Variants in GABRA2 observed in about 807,000 individuals in gnomAD.
The protein encoded by GABRA2 is gamma-aminobutyric acid receptor subunit alpha-2.
A neutral mutation model predicts 48.7 loss-of-function variants in GABRA2; 16 were observed. The ratio of observed to expected loss-of-function variants is 0.33; its 90% CI spans 0.22 to 0.50. GABRA2 has a LOEUF of 0.50. Among genes scored for constraint, GABRA2 ranks in the 20% least tolerant of loss-of-function variants. The pLI, the probability that GABRA2 is intolerant of heterozygous loss-of-function variation, is 0.98. For missense variants in GABRA2, 275 were observed against 535.6 expected, an observed-to-expected ratio of 0.51 and a Z score of 4.80; for synonymous variants, 185 against 184.5, an observed-to-expected ratio of 1.00 and a Z score of -0.02.
intron 3 of GABRA2, among the ~76,000 whole-genome samples, chr4:46,375,276 G>T (rs778321646): frequency 2.0e-5 from 3 of 152,026 alleles, no homozygotes; most frequent in Non-Finnish European, 4.4e-5. Flanking sequence ...ATTTGTAAAT[G>T]ATAAGATCTG....
intron 4 of GABRA2, among the ~76,000 whole-genome samples, chr4:46,327,217 C>A (rs1730542021): frequency 6.6e-6 from 1 of 151,842 alleles, no homozygotes; most frequent in Non-Finnish European, 1.5e-5. Flanking sequence ...AAGTCAAATA[C>A]CTTATCATGT....
At chr4:46,305,821 T>C (rs1030099456) in intron 6 of GABRA2, 110 bp from the exon 7 acceptor site, 7 of 735,532 alleles carry the variant, frequency 9.5e-6, no homozygotes, top group African/African-American at 9.0e-5. Flanking sequence ...TCAATATTAA[T>C]AGTTAAACAT....
chr4:46,332,536 C>T (rs1731541350), intron 4 of GABRA2, 79 bp downstream of exon 4: 7 of 817,158 alleles, frequency 8.6e-6, no homozygotes, highest in Non-Finnish European at 1.3e-5. Flanking sequence ...TTCTATAACA[C>T]TAAAAATGCT....
At chr4:46,270,487 A>C (rs946616319) in intron 8 of GABRA2, among the ~76,000 whole-genome samples, 10 of 151,908 alleles carry the variant, frequency 6.6e-5, no homozygotes, top group African/African-American at 2.4e-4. Context: ...GTACTCTCTA[A>C]ATGTTTCCTT....
rs185953321 is a variant in GABRA2, at chr4:46,305,502, C to T, written c.703+66G>A. 2.8e-6 allele frequency: 4 copies of T among 1,450,024 alleles called. No homozygotes were observed. In the South Asian group the frequency reaches 5.0e-5, roughly 18 times the overall value. The allele number at this position is 1,450,024 out of a possible 1,614,324, so 89.8% of individuals were successfully genotyped here. On this transcript the variant is annotated intron_variant, in intron 7 of 9. Coordinates refer to ENST00000381620, the MANE Select transcript of GABRA2 (RefSeq NM_000807.4). ...AAAAGATTTTAAGCAATCTGACACA[C>T]TTCCAAGTCCTTTAACCTATTAATA... is the stretch of plus-strand genomic sequence containing the variant.
At chr4:46,302,805 C>A in intron 8 of GABRA2, 1 of 152,408 alleles carries the variant, frequency 6.6e-6, no homozygotes. Flanking sequence ...TGATGGGCTA[C>A]TGCACTTCTC....
intron 9 of GABRA2, among the ~76,000 whole-genome samples, chr4:46,254,598 A>T (rs1391075860): frequency 6.6e-6 from 1 of 151,454 alleles, no homozygotes; most frequent in East Asian, 1.9e-4. Flanking sequence ...GCCGATTTTT[A>T]AAAAAGGTAA....
At chr4:46,318,667 A>C (rs569980782) in intron 4 of GABRA2, among the ~76,000 whole-genome samples, 7 of 151,762 alleles carry the variant, frequency 4.6e-5, no homozygotes, top group Non-Finnish European at 7.4e-5. Context: ...CCTTCATACA[A>C]ACTTAAAGGC....
In GABRA2 at chr4:46,322,049, AC is replaced by A. The variant is rs369076954; in HGVS notation, c.256-9334del. On this transcript the variant is annotated intron_variant, in intron 4 of 9. Coordinates refer to ENST00000381620, the MANE Select transcript of GABRA2 (RefSeq NM_000807.4). ...TTGCTAACAGAGAACTACCAATAGA[AC>A]CAGTTCAGTAAAAATGTATGTTCCC... Among the ~76,000 whole-genome samples the A allele has an allele frequency of 1.9e-4, 29 of 152,110 alleles. No homozygotes were observed. The East Asian group carries it at 3.7e-3, about 19-fold the overall frequency.
chr4:46,336,966 C>T (rs1019499166), intron 3 of GABRA2, among the ~76,000 whole-genome samples: 2 of 151,802 alleles, frequency 1.3e-5, no homozygotes, highest in Admixed American at 1.3e-4. Flanking sequence ...TGCTTTTTTG[C>T]TGGGAAATGT....
At chr4:46,274,102 T>C (rs753142625) in intron 8 of GABRA2, among the ~76,000 whole-genome samples, 1 of 152,138 alleles carries the variant, frequency 6.6e-6, no homozygotes, top group Non-Finnish European at 1.5e-5. Flanking sequence ...ACAGTAGTCA[T>C]CTCTGACAGA....
intron 4 of GABRA2, among the ~76,000 whole-genome samples, chr4:46,330,165 G>T (rs1279287206): frequency 6.6e-6 from 1 of 152,024 alleles, no homozygotes; most frequent in Non-Finnish European, 1.5e-5. Context: ...TTGGTAGTGT[G>T]AGTATATTTT....
intron 3 of GABRA2, among the ~76,000 whole-genome samples, chr4:46,353,623 C>A (rs1735504534): frequency 6.6e-6 from 1 of 152,084 alleles, no homozygotes; most frequent in Admixed American, 6.6e-5. Flanking sequence ...ATCTTTTGAA[C>A]TGAATGCACT....
chr4:46,368,914 T>A, intron 3 of GABRA2: 1 of 664,948 alleles, frequency 1.5e-6, no homozygotes, highest in South Asian at 1.6e-5. Flanking sequence ...CATTCCTTTA[T>A]TTGTTCTGCC....
intron 8 of GABRA2, among the ~76,000 whole-genome samples, chr4:46,266,439 A>G (rs1217454601): frequency 6.7e-6 from 1 of 149,810 alleles, no homozygotes; most frequent in Non-Finnish European, 1.5e-5. Flanking sequence ...TTCTTTTCAA[A>G]TATCTTCCCA....
intron 3 of GABRA2, among the ~76,000 whole-genome samples, chr4:46,380,358 T>C (rs1287548601): frequency 2.6e-5 from 4 of 152,210 alleles, no homozygotes; most frequent in Non-Finnish European, 5.9e-5. Context: ...AATAACTTCT[T>C]TCTTTAAAGC....
intron 3 of GABRA2, among the ~76,000 whole-genome samples, chr4:46,358,605 T>C (rs886284668): frequency 2.0e-5 from 3 of 152,162 alleles, no homozygotes; most frequent in Admixed American, 1.3e-4. Flanking sequence ...AGTGCATGCA[T>C]TGGATGGTTA....
intron 6 of GABRA2, 71 bp from the exon 7 acceptor site, chr4:46,305,782 T>TC: frequency 8.9e-7 from 1 of 1,118,886 alleles, no homozygotes; most frequent in Non-Finnish European, 1.3e-6. Flanking sequence ...CACGAACGGT[T>TC]GTGTATTTCA....
At chr4:46,312,796 T>C in intron 4 of GABRA2, 80 bp from the exon 5 acceptor site, 2 of 707,700 alleles carry the variant, frequency 2.8e-6, no homozygotes, top group East Asian at 2.8e-5. Context: ...AATAATATTC[T>C]AATTAATTTA....
Sources: allele counts gnomAD v4.1 joint callset (sites outside exome capture counted in the v4.1 genomes callset), GRCh38; gene constraint gnomAD v4.1.1; transcripts MANE v1.5; gene names NCBI Gene and HGNC (gene_info 2026-07-23, HGNC 2026-07-21).